Variants in IFT80 observed in about 807,000 individuals in gnomAD.
IFT80 encodes the protein intraflagellar transport 80.
A neutral mutation model predicts 107.9 loss-of-function variants in IFT80; 79 were observed. The observed-to-expected ratio is 0.73, with a 90% CI of 0.61 to 0.88. The LOEUF (loss-of-function observed/expected upper bound fraction) is 0.88. IFT80 is among the 40% of genes least tolerant of loss of function. The probability of loss-of-function intolerance (pLI) is 0.00; values close to 1 mark genes in which losing one functional copy is unlikely to be tolerated. For synonymous variants in IFT80, 299 were observed against 300.9 expected (o/e 0.99, Z 0.07); for missense variants, 797 against 914.2 (o/e 0.87, Z 1.65).
intron 3 of IFT80, among the ~76,000 whole-genome samples, chr3:160,380,880 T>C (rs1712435273): frequency 6.6e-6 from 1 of 152,024 alleles, no homozygotes; most frequent in African/African-American, 2.4e-5. Context: ...TTAAGTTAAA[T>C]TTGAAGAATT....
At chr3:160,326,619 C>T (rs916027061) in intron 8 of IFT80, among the ~76,000 whole-genome samples, 1 of 152,112 alleles carries the variant, frequency 6.6e-6, no homozygotes, top group Non-Finnish European at 1.5e-5. Flanking sequence ...CGATAAAATT[C>T]AACATCCCTT....
At chr3:160,397,516 G>C (rs1004285818) in intron 1 of IFT80, among the ~76,000 whole-genome samples, 1 of 152,166 alleles carries the variant, frequency 6.6e-6, no homozygotes, top group Non-Finnish European at 1.5e-5. Context: ...GCATGTGCTA[G>C]ATGAACAATC....
intron 1 of IFT80, among the ~76,000 whole-genome samples, chr3:160,398,857 C>T (rs1318744900): frequency 6.6e-6 from 1 of 152,038 alleles, no homozygotes; most frequent in African/African-American, 2.4e-5. Flanking sequence ...TTTAAAAGTC[C>T]TAAACCTTTC....
At chr3:160,305,085 G>T (rs1284167081) in intron 10 of IFT80, among the ~76,000 whole-genome samples, 1 of 152,134 alleles carries the variant, frequency 6.6e-6, no homozygotes, top group Non-Finnish European at 1.5e-5. Flanking sequence ...TGGGTAAAGA[G>T]AACATTTACA....
rs11923509 is a variant in IFT80, at chr3:160,321,340, A to G, written c.778-1401T>C. ...TTTACATAAAGATTAAAAGTGGTTG[A>G]TAATGACAAATAAGACTTGATATAT... On this transcript the variant is annotated intron_variant, in intron 8 of 19. Coordinates refer to ENST00000326448, the MANE Select transcript of IFT80 (RefSeq NM_020800.3). Among the ~76,000 whole-genome samples, 260 of 152,126 alleles carry G rather than the reference A, an allele frequency of 1.7e-3. 1 individual carries two copies. The highest frequency in any genetic ancestry group is 5.8e-3 in the African/African-American group (240 of 41,540).
At chr3:160,326,876 C>T (rs1163521974) in intron 8 of IFT80, among the ~76,000 whole-genome samples, 1 of 152,072 alleles carries the variant, frequency 6.6e-6, no homozygotes, top group African/African-American at 2.4e-5. Context: ...CAGGAAGTCA[C>T]ACTATCCCTG....
At chr3:160,367,816 A>ATACTT (rs993538813) in intron 5 of IFT80, among the ~76,000 whole-genome samples, 1 of 152,024 alleles carries the variant, frequency 6.6e-6, no homozygotes, top group African/African-American at 2.4e-5. Flanking sequence ...CTGGAAGACT[A>ATACTT]TACTTTATGT....
intron 3 of IFT80, among the ~76,000 whole-genome samples, chr3:160,379,747 A>C (rs1017061802): frequency 6.6e-6 from 1 of 152,222 alleles, no homozygotes; most frequent in Non-Finnish European, 1.5e-5. Flanking sequence ...TCCCTTTATC[A>C]CCTGAGGTAA....
chr3:160,285,301 G>A (rs921727024), intron 13 of IFT80, among the ~76,000 whole-genome samples: 3 of 152,142 alleles, frequency 2.0e-5, no homozygotes, highest in African/African-American at 7.2e-5. Context: ...CAATTTAGAA[G>A]GATAACTCAA....
chr3:160,333,974 G>A (rs1355113189), intron 8 of IFT80, among the ~76,000 whole-genome samples: 3 of 152,090 alleles, frequency 2.0e-5, no homozygotes, highest in African/African-American at 7.2e-5. Flanking sequence ...GTAATGTGTT[G>A]TACTATGATA....
intron 4 of IFT80, among the ~76,000 whole-genome samples, chr3:160,376,790 A>G (rs2108395883): frequency 6.6e-6 from 1 of 152,320 alleles, no homozygotes; most frequent in East Asian, 1.9e-4. Context: ...GTGGCAAGGA[A>G]TTAATTAAGG....
intron 3 of IFT80, among the ~76,000 whole-genome samples, chr3:160,381,027 G>C (rs1712450612): frequency 6.6e-6 from 1 of 151,762 alleles, no homozygotes; most frequent in Non-Finnish European, 1.5e-5. Flanking sequence ...TTGAGGCCAG[G>C]AGTACAAGAC....
intron 8 of IFT80, among the ~76,000 whole-genome samples, chr3:160,337,034 A>G (rs963429107): frequency 2.0e-5 from 3 of 152,192 alleles, no homozygotes; most frequent in African/African-American, 7.2e-5. Flanking sequence ...ATTAATATCT[A>G]TAAGTCAGTC....
At chr3:160,340,041 AT>A (rs1375515931) in intron 8 of IFT80, among the ~76,000 whole-genome samples, 1 of 152,168 alleles carries the variant, frequency 6.6e-6, no homozygotes, top group Non-Finnish European at 1.5e-5. Flanking sequence ...CTGGGCAAAA[AT>A]ATTCTATGCC....
At position 160,291,393 on chromosome 3, in the gene IFT80, G is replaced by A. The variant is rs1167238868; in HGVS notation, c.1316-5525C>T. Among the ~76,000 whole-genome samples, 108 of 152,198 alleles carry A rather than the reference G, an allele frequency of 7.1e-4. 1 individual carries two copies. The highest frequency in any genetic ancestry group is 4.1e-4 in the Non-Finnish European group (28 of 68,034). On this transcript the variant is annotated intron_variant, in intron 12 of 19. Coordinates refer to ENST00000326448, the MANE Select transcript of IFT80 (RefSeq NM_020800.3). ...GTATTGAGTAGGAACACATTACTGG[G>A]AAATGCAAAAAGTTACACAGTGTAT...
rs564514919 is a variant in IFT80 at position 160,334,221 on chromosome 3, C to T, written c.778-14282G>A. Among the ~76,000 whole-genome samples the T allele has an allele frequency of 5.1e-4, 77 of 152,262 alleles. 1 individual carries two copies. In the South Asian group the frequency reaches 0.014, roughly 28 times the overall value. ...GTACTAAGGTTAGGTTAACAACAGA[C>T]TGTGCTTTCAGTGATATATACTAAA... On this transcript the variant is annotated intron_variant, in intron 8 of 19. Transcript: ENST00000326448.
intron 18 of IFT80, among the ~76,000 whole-genome samples, chr3:160,273,945 G>C (rs1714026170): frequency 6.6e-6 from 1 of 152,106 alleles, no homozygotes; most frequent in African/African-American, 2.4e-5. Context: ...GAATGGAGGA[G>C]CACCCAGAAT....
At chr3:160,322,451 T>G (rs1718313888) in intron 8 of IFT80, among the ~76,000 whole-genome samples, 1 of 152,014 alleles carries the variant, frequency 6.6e-6, no homozygotes, top group South Asian at 2.1e-4. Context: ...GACATTTGGG[T>G]TGGTTCCAAG....
intron 9 of IFT80, 80 bp downstream of exon 9, chr3:160,319,680 A>C: frequency 8.7e-7 from 1 of 1,152,152 alleles, no homozygotes; most frequent in Non-Finnish European, 1.3e-6. Flanking sequence ...AAATATAATT[A>C]ATGAAGATAA....
Sources: gnomAD v4.1 joint callset for allele counts (sites outside exome capture counted in the v4.1 genomes callset) on GRCh38, gnomAD v4.1.1 for gene constraint, MANE v1.5 for transcripts, NCBI Gene and HGNC (gene_info 2026-07-23, HGNC 2026-07-21) for gene names.